Variants in SRP19 observed in about 807,000 individuals in gnomAD.
SRP19 encodes the protein signal recognition particle 19.
In SRP19, 11 loss-of-function variants were observed where a neutral mutation model predicts 22.4. The ratio of observed to expected loss-of-function variants is 0.49; its 90% CI spans 0.31 to 0.81. The LOEUF (loss-of-function observed/expected upper bound fraction) is 0.81, where lower values mean the gene tolerates loss of function less well. SRP19 is among the 40% of genes least tolerant of loss of function. The pLI is 0.05. For missense variants in SRP19, 168 were observed against 175.9 expected (o/e 0.96, Z 0.25); for synonymous variants, 61 against 57.6 (o/e 1.06, Z -0.27).
chr5:112,867,592 T>A lies in SRP19; in HGVS notation c.*55T>A, dbSNP rs1767649068. The A allele has an allele frequency of 6.7e-7, 1 of 1,490,710 alleles. No homozygotes were observed. The highest frequency in any genetic ancestry group is 8.9e-7 in the Non-Finnish European group (1 of 1,117,576). The allele number at this position is 1,490,710 out of a possible 1,614,324, so 92.3% of individuals were successfully genotyped here. A position where few individuals can be genotyped will look rare whatever the true frequency, so the allele number is the denominator to read the frequency against. ...ACTGTAAGAGACATGAATGGAGACTTCTAATTTGTATCGGAGGGAAACAGA... is the reference window on the plus strand; with the variant it reads ...ACTGTAAGAGACATGAATGGAGACTACTAATTTGTATCGGAGGGAAACAGA... On this transcript the variant is annotated 3_prime_UTR_variant, in exon 5 of 5. Coordinates refer to ENST00000505459, the MANE Select transcript of SRP19 (RefSeq NM_003135.3).
chr5:112,886,851 G>GT (rs1457447391), intron 4 of SRP19, among the ~76,000 whole-genome samples: 1 of 152,212 alleles, frequency 6.6e-6, no homozygotes, highest in Non-Finnish European at 1.5e-5. Context: ...GTCGAGAACT[G>GT]TAAGTGTTCT....
downstream of SRP19, among the ~76,000 whole-genome samples, chr5:112,872,322 CT>C (rs759571945): frequency 9.5e-3 from 881 of 92,684 alleles, 5 homozygotes; most frequent in African/African-American, 0.029. Context: ...CCAAATGATT[CT>C]TTTTTTTTTT....
At chr5:112,872,322 C>CTTTTTT (rs759571945), downstream of SRP19, among the ~76,000 whole-genome samples, 76 of 92,668 alleles carry the variant, frequency 8.2e-4, no homozygotes, top group Non-Finnish European at 1.1e-3. Context: ...CCAAATGATT[C>CTTTTTT]TTTTTTTTTT....
chr5:112,883,874 A>G (rs1238534512), intron 4 of SRP19, among the ~76,000 whole-genome samples: 1 of 152,166 alleles, frequency 6.6e-6, no homozygotes, highest in Admixed American at 6.6e-5. Flanking sequence ...CAGGCTAAAA[A>G]GCTCGTCCTT....
rs760887558 is a variant in SRP19 at position 112,867,794 on chromosome 5, CAA to C, written c.*258_*259del. On this transcript the variant is annotated 3_prime_UTR_variant, in exon 5 of 5. Coordinates refer to ENST00000505459, the MANE Select transcript of SRP19 (RefSeq NM_003135.3). ...TTGGAAGAAAATATTTTTAAATGGA[CAA>C]TGGACTGTACAATAAGTTACTTGAA... The C allele has an allele frequency of 8.5e-6, 10 of 1,182,602 alleles. No homozygotes were observed. The highest frequency in any genetic ancestry group is 1.0e-5 in the Non-Finnish European group (10 of 954,752). The allele number at this position is 1,182,602 out of a possible 1,614,324, so 73.3% of individuals were successfully genotyped here.
intron 4 of SRP19, among the ~76,000 whole-genome samples, chr5:112,876,033 C>CAAAA (rs34238552): frequency 1.4e-5 from 2 of 143,486 alleles, no homozygotes; most frequent in Non-Finnish European, 1.5e-5. Context: ...GACTCCATCT[C>CAAAA]AAAAAAAAAA....
At chr5:112,874,488 T>G (rs923755613), downstream of SRP19, among the ~76,000 whole-genome samples, 2 of 152,200 alleles carry the variant, frequency 1.3e-5, no homozygotes, top group Non-Finnish European at 2.9e-5. Context: ...AAATCAGCAC[T>G]TTGTTAGTGG....
chr5:112,877,528 A>G (rs1389767316), intron 4 of SRP19: 6 of 152,198 alleles, frequency 3.9e-5, no homozygotes, highest in Non-Finnish European at 5.9e-5. Context: ...GCAGCTTATC[A>G]ACACAAAGAA....
downstream of SRP19, chr5:112,897,864 G>A (rs1768738660): frequency 6.6e-6 from 1 of 152,348 alleles, no homozygotes; most frequent in South Asian, 2.1e-4. Context: ...TTTGAGACCA[G>A]CCTGGCAAAC....
chr5:112,872,179 A>C (rs1018556147), downstream of SRP19, among the ~76,000 whole-genome samples: 1 of 152,216 alleles, frequency 6.6e-6, no homozygotes, highest in Admixed American at 6.5e-5. Context: ...TTCTGTTCAC[A>C]GCTCAGCCGT....
chr5:112,882,285 C>G (rs1369481074), intron 4 of SRP19, among the ~76,000 whole-genome samples: 2 of 152,102 alleles, frequency 1.3e-5, no homozygotes, highest in Non-Finnish European at 2.9e-5. Context: ...CACCTTTTAT[C>G]TTTGTAGTGC....
chr5:112,887,258 A>G (rs1768284760), intron 4 of SRP19: 8 of 1,338,812 alleles, frequency 6.0e-6, no homozygotes, highest in African/African-American at 1.4e-5. Context: ...ACTGTCTTTC[A>G]CTACTCTGGG....
Position 112,887,182 on chromosome 5 carries a change from C to T in SRP19, c.302-4421C>T, listed in dbSNP as rs768646780. On this transcript the variant is annotated intron_variant, in intron 4 of 4. Transcript: ENST00000391338. ...GGCCATGCACCACAACAGGAAGCCA[C>T]ACTGCACAGAAAAAGAGCCAGCATG... 1 of 1,585,658 alleles carries T rather than the reference C, an allele frequency of 6.3e-7. No individual in the cohort carries two copies. Among genetic ancestry groups the T allele is most frequent in the South Asian group, 1.1e-5 (1 of 88,302 alleles).
chr5:112,891,946 A>C lies in SRP19; in HGVS notation c.*339A>C, dbSNP rs757102297. ...GAAGGAAAAGGAAGAGGCGGCTAAAAAATGGCTAGAAGAACAAGAGAGAAA... is the reference window on the plus strand; with the variant it reads ...GAAGGAAAAGGAAGAGGCGGCTAAACAATGGCTAGAAGAACAAGAGAGAAA... On this transcript the variant is annotated 3_prime_UTR_variant, in exon 5 of 5. Transcript: ENST00000391338. 19 of 1,252,244 alleles carry C rather than the reference A, an allele frequency of 1.5e-5. No homozygotes were observed. In the African/African-American group the frequency reaches 2.3e-4, roughly 15 times the overall value. 77.6% of individuals were successfully genotyped at this position (1,252,244 alleles called of 1,614,324 possible).
intron 4 of SRP19, chr5:112,878,982 T>C (rs1173565625): frequency 1.0e-5 from 13 of 1,300,578 alleles, no homozygotes; most frequent in Non-Finnish European, 1.4e-5. Flanking sequence ...GTTTGTGGTC[T>C]GGGCTAAGAG....
chr5:112,870,321 C>CA (rs750748221), downstream of SRP19, among the ~76,000 whole-genome samples: 12 of 151,540 alleles, frequency 7.9e-5, no homozygotes, highest in South Asian at 6.3e-4. Context: ...ACTGTCTCTA[C>CA]AAAAAAAAGA....
At chr5:112,867,340 A>G in intron 4 of SRP19, 64 bp from the exon 5 acceptor site, 1 of 1,549,138 alleles carries the variant, frequency 6.5e-7, no homozygotes, top group Non-Finnish European at 8.7e-7. Flanking sequence ...TGTGATATTC[A>G]ATTTGATGAC....
downstream of SRP19, chr5:112,896,444 A>T (rs1268016224): frequency 6.6e-6 from 1 of 152,214 alleles, no homozygotes; most frequent in Non-Finnish European, 1.5e-5. Flanking sequence ...AATTGCTTGA[A>T]TGCGGGAAGT....
chr5:112,876,178 G>A (rs1274800243), intron 4 of SRP19, among the ~76,000 whole-genome samples: 2 of 152,140 alleles, frequency 1.3e-5, no homozygotes, highest in Admixed American at 6.5e-5. Context: ...ATTATTGGTA[G>A]AAACTTTTTG....
Sources: gnomAD v4.1 joint callset for allele counts (sites outside exome capture counted in the v4.1 genomes callset) on GRCh38, gnomAD v4.1.1 for gene constraint, MANE v1.5 for transcripts, NCBI Gene and HGNC (gene_info 2026-07-23, HGNC 2026-07-21) for gene names.